ANKS1B: variants seen among roughly 807,000 people sequenced by gnomAD.
ANKS1B encodes the protein ankyrin repeat and sterile alpha motif domain containing 1B, also known as ankyrin repeat and sterile alpha motif domain-containing protein 1B.
A neutral mutation model predicts 148.3 loss-of-function variants in ANKS1B; 36 were observed. That is an observed-to-expected ratio of 0.24 (90% CI 0.19 to 0.32). The LOEUF is 0.32. Among genes scored for constraint, ANKS1B ranks in the 10% least tolerant of loss-of-function variants. ANKS1B has a pLI of 1.00. For synonymous variants in ANKS1B, 542 were observed against 560.8 expected, an observed-to-expected ratio of 0.97 and a Z score of 0.47; for missense variants, 1,157 against 1,542.6, an observed-to-expected ratio of 0.75 and a Z score of 4.19.
intron 8 of ANKS1B, among the ~76,000 whole-genome samples, chr12:99,767,606 T>A (rs1159624752): frequency 6.6e-6 from 1 of 152,128 alleles, no homozygotes; most frequent in Non-Finnish European, 1.5e-5. Flanking sequence ...TGATTTCACA[T>A]TCTTTCGAAA....
intron 9 of ANKS1B, among the ~76,000 whole-genome samples, chr12:99,557,030 T>C (rs1308407888): frequency 6.6e-6 from 1 of 152,200 alleles, no homozygotes; most frequent in African/African-American, 2.4e-5. Context: ...TACAACACTG[T>C]AAGTGAGATG....
intron 12 of ANKS1B, among the ~76,000 whole-genome samples, chr12:99,373,586 A>T (rs2093251924): frequency 1.3e-5 from 2 of 152,160 alleles, no homozygotes; most frequent in African/African-American, 4.8e-5. Context: ...CAGCTGATTT[A>T]TCTCAATGAT....
chr12:99,618,134 G>T (rs1458971203), intron 9 of ANKS1B, among the ~76,000 whole-genome samples: 1 of 152,062 alleles, frequency 6.6e-6, no homozygotes, highest in Non-Finnish European at 1.5e-5. Context: ...ACCCCTTCCT[G>T]TCATTAGGTA....
intron 15 of ANKS1B, among the ~76,000 whole-genome samples, chr12:99,139,786 A>T (rs190373231): frequency 5.9e-5 from 9 of 152,032 alleles, no homozygotes; most frequent in African/African-American, 2.2e-4. Flanking sequence ...GCACAGTTAG[A>T]TGAGTATATA....
At chr12:99,875,683 A>G (rs926103249) in intron 1 of ANKS1B, among the ~76,000 whole-genome samples, 3 of 152,286 alleles carry the variant, frequency 2.0e-5, no homozygotes, top group Non-Finnish European at 2.9e-5. Context: ...ACTTAAAGAT[A>G]TTTTCCTGAA....
chr12:99,649,369 A>G, intron 9 of ANKS1B: 1 of 1,614,128 alleles, frequency 6.2e-7, no homozygotes, highest in South Asian at 1.1e-5. Context: ...GTTTGGGTCC[A>G]CCTATTGTGA....
chr12:99,782,154 G>A, intron 4 of ANKS1B, 57 bp from the exon 5 acceptor site: 1 of 1,380,146 alleles, frequency 7.2e-7, no homozygotes, highest in East Asian at 2.5e-5. Flanking sequence ...ATGCTTACAG[G>A]TTGAAATAAA....
At chr12:99,234,334 C>G (rs1204953145) in intron 14 of ANKS1B, among the ~76,000 whole-genome samples, 1 of 152,136 alleles carries the variant, frequency 6.6e-6, no homozygotes, top group East Asian at 1.9e-4. Flanking sequence ...TCTTTCTGTG[C>G]CAGGGTACTC....
At chr12:99,343,178 A>G (rs2152339554) in intron 12 of ANKS1B, among the ~76,000 whole-genome samples, 1 of 152,180 alleles carries the variant, frequency 6.6e-6, no homozygotes, top group Non-Finnish European at 1.5e-5. Context: ...TTTTAAGTCT[A>G]CCAATAAAAT....
At position 98,745,400 on chromosome 12, in the gene ANKS1B, A is replaced by T. The variant is rs1332715357; in HGVS notation, c.*339T>A. The T allele has an allele frequency of 2.2e-4, 180 of 829,614 alleles. No individual in the cohort carries two copies. In the Admixed American group the frequency reaches 3.1e-3, roughly 14 times the overall value. 51.4% of individuals were successfully genotyped at this position (829,614 alleles called of 1,614,324 possible). ...CTTTTTTTTTTTTTTTTTTTTTTTTAAAGAAAAGGTATTATTTTCCCCAAA... is the reference window on the plus strand; with the variant it reads ...CTTTTTTTTTTTTTTTTTTTTTTTTTAAGAAAAGGTATTATTTTCCCCAAA... On this transcript the variant is annotated 3_prime_UTR_variant, in exon 27 of 27. Coordinates refer to ENST00000683438, the MANE Select transcript of ANKS1B (RefSeq NM_001352186.2).
chr12:99,039,951 C>T lies in ANKS1B; in HGVS notation c.2778+13206G>A, dbSNP rs148730142. On this transcript the variant is annotated intron_variant, in intron 17 of 26. Coordinates refer to ENST00000683438, the MANE Select transcript of ANKS1B (RefSeq NM_001352186.2). ...GTGAGAATGACTCATAGATTTAGTTCTCTCAGGTGGCGTTTGTATTGTAGT... is the reference window on the plus strand; with the variant it reads ...GTGAGAATGACTCATAGATTTAGTTTTCTCAGGTGGCGTTTGTATTGTAGT... Among the ~76,000 whole-genome samples, 503 of 152,266 alleles carry T rather than the reference C, an allele frequency of 3.3e-3. 3 individuals are homozygous for T. Among genetic ancestry groups the T allele is most frequent in the African/African-American group, 0.012 (487 of 41,530 alleles).
chr12:99,293,451 T>C (rs891437137), intron 12 of ANKS1B, among the ~76,000 whole-genome samples: 12 of 152,188 alleles, frequency 7.9e-5, no homozygotes, highest in East Asian at 3.8e-4. Flanking sequence ...TATACCTATG[T>C]AGCAAACCTG....
At chr12:99,927,946 A>G (rs1365042475) in intron 1 of ANKS1B, among the ~76,000 whole-genome samples, 6 of 152,226 alleles carry the variant, frequency 3.9e-5, no homozygotes, top group Non-Finnish European at 5.9e-5. Context: ...ATACAAATTT[A>G]CTAAATGAGG....
intron 25 of ANKS1B, among the ~76,000 whole-genome samples, chr12:98,754,101 T>G (rs751980952): frequency 1.4e-4 from 22 of 152,230 alleles, no homozygotes; most frequent in Non-Finnish European, 3.1e-4. Flanking sequence ...AGGATGTGTC[T>G]GTCTCCTTTA....
At chr12:98,814,700 T>A (rs1426395653) in intron 19 of ANKS1B, among the ~76,000 whole-genome samples, 1 of 152,200 alleles carries the variant, frequency 6.6e-6, no homozygotes, top group Non-Finnish European at 1.5e-5. Context: ...GCCTATTTTC[T>A]CTCAATCCCT....
intron 9 of ANKS1B, among the ~76,000 whole-genome samples, chr12:99,639,707 G>A (rs1243680891): frequency 6.6e-6 from 1 of 152,090 alleles, no homozygotes; most frequent in Admixed American, 6.6e-5. Context: ...TTCTCCTGCC[G>A]CCATATGAAG....
chr12:99,247,989 T>C (rs1471801772), intron 12 of ANKS1B, among the ~76,000 whole-genome samples: 1 of 152,152 alleles, frequency 6.6e-6, no homozygotes, highest in Non-Finnish European at 1.5e-5. Flanking sequence ...AACACTAACA[T>C]TTTTATAAAT....
chr12:99,744,071 A>T (rs566633780), intron 8 of ANKS1B, among the ~76,000 whole-genome samples: 1 of 152,186 alleles, frequency 6.6e-6, no homozygotes, highest in Non-Finnish European at 1.5e-5. Context: ...TTGAGCATCC[A>T]TGGATTTCAG....
chr12:99,780,163 AGCAAGAAAGAAGGCAGGG>A (rs1293274753), intron 5 of ANKS1B, among the ~76,000 whole-genome samples, 191 bp from the exon 6 acceptor site: 3 of 152,204 alleles, frequency 2.0e-5, no homozygotes, highest in Non-Finnish European at 2.9e-5. Context: ...ACAAGATTTT[AGCAAGAAAGAAGGCAGGG>A]GCCTGTTGCT....
Sources: allele counts gnomAD v4.1 joint callset (sites outside exome capture counted in the v4.1 genomes callset), GRCh38; gene constraint gnomAD v4.1.1; transcripts MANE v1.5; gene names NCBI Gene and HGNC (gene_info 2026-07-23, HGNC 2026-07-21).